The following SNRPN variants were observed in gnomAD, a reference collection of about 807,000 sequenced individuals.
The protein encoded by SNRPN is small nuclear ribonucleoprotein polypeptide N.
Under a neutral mutation model 25.2 loss-of-function variants are expected in SNRPN, and 7 were observed. The observed-to-expected ratio is 0.28, with a 90% confidence interval of 0.16 to 0.52. SNRPN has a LOEUF of 0.52. Among genes scored for constraint, SNRPN ranks in the 20% least tolerant of loss-of-function variants. SNRPN has a pLI of 0.96. For missense variants in SNRPN, 196 were observed against 322.5 expected (o/e 0.61, Z 3.00); for synonymous variants, 124 against 110.6 (o/e 1.12, Z -0.76).
intron 1 of SNRPN, among the ~76,000 whole-genome samples, chr15:24,955,811 C>T (rs1169843815): frequency 6.7e-6 from 1 of 149,792 alleles, no homozygotes; most frequent in Non-Finnish European, 1.5e-5. Context: ...CGGTGGTGGA[C>T]TTTGGCGGCG....
chr15:24,858,640 AAAAT>A (rs1465566475), intron 1 of SNRPN, among the ~76,000 whole-genome samples: 1 of 152,002 alleles, frequency 6.6e-6, no homozygotes, highest in Non-Finnish European at 1.5e-5. Context: ...TTAAAAAAAA[AAAAT>A]ACAAAAATTA....
intron 2 of SNRPN, among the ~76,000 whole-genome samples, chr15:24,901,321 G>C (rs2058438286): frequency 6.6e-6 from 1 of 152,112 alleles, no homozygotes; most frequent in Non-Finnish European, 1.5e-5. Context: ...GACTTTGGTG[G>C]TAGCTAACTG....
chr15:24,971,435 A>G (rs556436959), intron 3 of SNRPN, among the ~76,000 whole-genome samples: 4 of 152,282 alleles, frequency 2.6e-5, no homozygotes, highest in African/African-American at 4.8e-5. Flanking sequence ...CTAAATTCCA[A>G]ATCTGTCTCT....
intron 3 of SNRPN, among the ~76,000 whole-genome samples, chr15:24,936,671 G>GGA (rs1304963487): frequency 1.3e-5 from 2 of 152,208 alleles, no homozygotes; most frequent in East Asian, 1.9e-4. Flanking sequence ...GGCAGAAGCA[G>GGA]GAGAGAGAGA....
Position 24,929,700 on chromosome 15 carries a change from G to A in SNRPN, c.-391+9576G>A, listed in dbSNP as rs2060671960. 6.6e-6 allele frequency among the ~76,000 whole-genome samples: 1 copy of A among 152,102 alleles called. No individual in the cohort carries two copies. The highest frequency in any genetic ancestry group is 2.1e-4 in the South Asian group (1 of 4,828). On this transcript the variant is annotated intron_variant, in intron 3 of 11. Transcript: ENST00000400097. The surrounding 1 kb of genome is among the most constrained non-coding windows in gnomAD (Gnocchi z 5.3). The stretch of plus-strand genomic sequence containing the variant: ...GGCATAAACACATTTTCTTCCAAGT[G>A]GAGTCCAGCATATTTTATTTTCCTG...
intron 3 of SNRPN, among the ~76,000 whole-genome samples, chr15:24,940,698 G>A (rs1341766581): frequency 6.6e-6 from 1 of 152,148 alleles, no homozygotes; most frequent in Non-Finnish European, 1.5e-5. Flanking sequence ...CAACTTTGGT[G>A]CTGTAGGCGG....
intron 1 of SNRPN, among the ~76,000 whole-genome samples, chr15:24,857,606 A>T (rs1213936743): frequency 6.6e-6 from 1 of 151,268 alleles, no homozygotes; most frequent in Non-Finnish European, 1.5e-5. Flanking sequence ...TTACTCTGTC[A>T]ATAATTTAAC....
intron 1 of SNRPN, among the ~76,000 whole-genome samples, chr15:24,857,929 T>A (rs2053569139): frequency 6.6e-6 from 1 of 151,974 alleles, no homozygotes; most frequent in African/African-American, 2.4e-5. Context: ...ATGTTGGAGA[T>A]GAAATCATAG....
intron 2 of SNRPN, among the ~76,000 whole-genome samples, chr15:24,905,923 G>A (rs999835132): frequency 7.9e-5 from 12 of 152,234 alleles, no homozygotes; most frequent in African/African-American, 2.6e-4. Context: ...AGACACAAAG[G>A]TGATTTATTT....
intron 2 of SNRPN, among the ~76,000 whole-genome samples, chr15:24,835,224 T>TA (rs1210390162): frequency 6.7e-6 from 1 of 149,292 alleles, no homozygotes; most frequent in Non-Finnish European, 1.5e-5. Context: ...TTTAGTTTTC[T>TA]AAAAAAATAC....
intron 1 of SNRPN, among the ~76,000 whole-genome samples, chr15:24,871,681 A>G (rs1399871231): frequency 1.3e-5 from 2 of 151,460 alleles, no homozygotes; most frequent in Non-Finnish European, 2.9e-5. Flanking sequence ...GTAGACCCTC[A>G]TTACCTATAT....
At chr15:24,968,752 A>G (rs1032384351) in intron 3 of SNRPN, 3 of 152,048 alleles carry the variant, frequency 2.0e-5, no homozygotes, top group African/African-American at 7.2e-5. Context: ...TCTTTTTCTC[A>G]CTTTTCTGTT....
chr15:24,966,693 A>T (rs1398379971), intron 2 of SNRPN, among the ~76,000 whole-genome samples: 1 of 152,206 alleles, frequency 6.6e-6, no homozygotes, highest in African/African-American at 2.4e-5. Flanking sequence ...TAGGATGTAT[A>T]GGTTACTTCC....
intron 3 of SNRPN, among the ~76,000 whole-genome samples, chr15:24,925,736 GC>G (rs2060332707): frequency 9.2e-6 from 1 of 109,180 alleles, no homozygotes; most frequent in East Asian, 3.3e-4. Flanking sequence ...ATACCACCAT[GC>G]CCAGCTAATT....
chr15:24,962,483 ATACT>A (rs1321834426), intron 2 of SNRPN, among the ~76,000 whole-genome samples: 1 of 152,196 alleles, frequency 6.6e-6, no homozygotes, highest in African/African-American at 2.4e-5. Flanking sequence ...CAACATAAGC[ATACT>A]TAAATTTTTC....
intron 1 of SNRPN, among the ~76,000 whole-genome samples, chr15:24,958,376 G>T (rs2074155696): frequency 6.9e-6 from 1 of 144,752 alleles, no homozygotes; most frequent in African/African-American, 2.6e-5. Context: ...CCTGTCACTG[G>T]TCCTGTCTCC....
intron 1 of SNRPN, among the ~76,000 whole-genome samples, chr15:24,957,163 T>G (rs1448279452): frequency 6.6e-6 from 1 of 152,220 alleles, no homozygotes; most frequent in Non-Finnish European, 1.5e-5. Context: ...TCAGTTATCC[T>G]TCTTAATCTC....
chr15:24,852,503 A>G (rs1449972798), upstream of SNRPN, among the ~76,000 whole-genome samples: 1 of 152,226 alleles, frequency 6.6e-6, no homozygotes, highest in Non-Finnish European at 1.5e-5. Context: ...ATCTTGTGGA[A>G]TGTCCCACAA....
At chr15:24,905,722 A>T (rs942807276) in intron 2 of SNRPN, among the ~76,000 whole-genome samples, 1 of 152,212 alleles carries the variant, frequency 6.6e-6, no homozygotes, top group African/African-American at 2.4e-5. Flanking sequence ...TAATATTTGG[A>T]ATAAACTGTA....
Sources: allele counts gnomAD v4.1 joint callset (sites outside exome capture counted in the v4.1 genomes callset), GRCh38; gene constraint gnomAD v4.1.1; non-coding constraint Gnocchi (gnomAD v3.1); transcripts MANE v1.5; gene names NCBI Gene and HGNC (gene_info 2026-07-23, HGNC 2026-07-21).